Variants in COL12A1 observed in about 807,000 individuals in gnomAD.
The protein encoded by COL12A1 is collagen alpha-1(XII) chain.
In COL12A1, 114 loss-of-function variants were observed where a neutral mutation model predicts 349.7. That is an observed-to-expected ratio of 0.33 (90% CI 0.28 to 0.38). COL12A1 has a LOEUF of 0.38. Ranked by LOEUF, COL12A1 falls within the 10% of genes least tolerant of loss-of-function variation. The pLI, the probability that COL12A1 is intolerant of heterozygous loss-of-function variation, is 1.00. For synonymous variants in COL12A1, 1,369 were observed against 1,329.0 expected, an observed-to-expected ratio of 1.03 and a Z score of -0.66; for missense variants, 3,284 against 3,756.9, an observed-to-expected ratio of 0.87 and a Z score of 3.29.
chr6:75,179,981 G>A (rs377278504), intron 11 of COL12A1, among the ~76,000 whole-genome samples: 53 of 152,318 alleles, frequency 3.5e-4, no homozygotes, highest in African/African-American at 1.2e-3. Context: ...CAGCCCAAAT[G>A]TCCATTGATG....
At chr6:75,159,780 T>C (rs988900410) in intron 14 of COL12A1, among the ~76,000 whole-genome samples, 2 of 151,508 alleles carry the variant, frequency 1.3e-5, no homozygotes, top group Non-Finnish European at 2.9e-5. Context: ...AATGTTGATC[T>C]AAAAAGAAAC....
At chr6:75,186,530 T>G (rs898905664) in intron 8 of COL12A1, among the ~76,000 whole-genome samples, 1 of 152,164 alleles carries the variant, frequency 6.6e-6, no homozygotes, top group Non-Finnish European at 1.5e-5. Context: ...GGAGTGTAAA[T>G]TAGTTCAACC....
chr6:75,121,563 C>T, intron 43 of COL12A1, 122 bp from the exon 44 acceptor site: 2 of 1,171,208 alleles, frequency 1.7e-6, no homozygotes, highest in Non-Finnish European at 2.3e-6. Flanking sequence ...GCAGCAACAG[C>T]ACTGCCTGGG....
At chr6:75,147,902 C>T in intron 22 of COL12A1, 98 bp from the exon 23 acceptor site, 1 of 1,285,346 alleles carries the variant, frequency 7.8e-7, no homozygotes, top group South Asian at 1.7e-5. Flanking sequence ...AGCTTAGAAT[C>T]TATATTTCAA....
intron 6 of COL12A1, 62 bp downstream of exon 6, chr6:75,189,490 C>T: frequency 1.9e-6 from 3 of 1,580,528 alleles, no homozygotes; most frequent in Non-Finnish European, 2.6e-6. Flanking sequence ...GGCAATGCAT[C>T]ATTTCTTTCT....
chr6:75,150,273 TC>T (rs1767415867), intron 21 of COL12A1, among the ~76,000 whole-genome samples: 1 of 152,218 alleles, frequency 6.6e-6, no homozygotes, highest in Admixed American at 6.5e-5. Flanking sequence ...CCATGTTTTG[TC>T]CCATGATTTG....
Position 75,133,411 on chromosome 6 carries a change from G to T in COL12A1, c.5676C>A (p.Pro1892=), listed in dbSNP as rs200130428. Residue 1892 remains proline, a synonymous_variant, in exon 34 of 66, where the codon CCC becomes CCA. Transcript: ENST00000322507. ...AGGPEELVPI[P]GNTNYAILRN... The stretch of plus-strand genomic sequence containing the variant: ...TAAGAATGGCATAATTGGTATTCCC[G>T]GGGATTGGTACCTAAAGATTTTAAT... 6.2e-7 allele frequency: 1 copy of T among 1,607,530 alleles called. No homozygotes were observed. The highest frequency in any genetic ancestry group is 1.1e-5 in the South Asian group (1 of 89,032).
At chr6:75,176,910 A>G (rs1768987467) in intron 12 of COL12A1, among the ~76,000 whole-genome samples, 1 of 152,224 alleles carries the variant, frequency 6.6e-6, no homozygotes, top group African/African-American at 2.4e-5. Flanking sequence ...GAAATCACGT[A>G]TTAAACATTA....
chr6:75,141,548 A>C (rs557497576), intron 27 of COL12A1, among the ~76,000 whole-genome samples: 1 of 152,256 alleles, frequency 6.6e-6, no homozygotes, highest in East Asian at 1.9e-4. Context: ...CACCTGACCT[A>C]CCTTACATGA....
At chr6:75,204,184 A>T (rs1289820762) in intron 1 of COL12A1, among the ~76,000 whole-genome samples, 1 of 152,136 alleles carries the variant, frequency 6.6e-6, no homozygotes, top group Non-Finnish European at 1.5e-5. Context: ...ACTGTTTGAC[A>T]TTTCTAACCC....
chr6:75,110,703 T>C (rs1168703511), intron 51 of COL12A1, among the ~76,000 whole-genome samples: 1 of 152,024 alleles, frequency 6.6e-6, no homozygotes, highest in Non-Finnish European at 1.5e-5. Context: ...CAGGAATGGA[T>C]AACTGTCTGT....
intron 2 of COL12A1, among the ~76,000 whole-genome samples, chr6:75,202,102 C>T (rs1770557825): frequency 2.0e-5 from 3 of 152,150 alleles, no homozygotes. Flanking sequence ...CAGGGACAGC[C>T]GCGACCCTAG....
intron 6 of COL12A1, 32 bp from the exon 7 acceptor site, chr6:75,189,413 T>C (rs755469945): frequency 1.1e-4 from 170 of 1,593,978 alleles, no homozygotes; most frequent in Admixed American, 2.5e-4. Context: ...TCATTTACTC[T>C]GTACTACACA....
At chr6:75,114,541 C>T (rs1768984080) in intron 49 of COL12A1, among the ~76,000 whole-genome samples, 1 of 151,958 alleles carries the variant, frequency 6.6e-6, no homozygotes, top group Non-Finnish European at 1.5e-5. Flanking sequence ...CATTTAATAA[C>T]ACTTTCTCCC....
In COL12A1 at chr6:75,084,836, C is replaced by T. The variant is rs1767403772; in HGVS notation, c.*1711G>A. The T allele has an allele frequency of 6.4e-6, 1 of 156,504 alleles. No homozygotes were observed. The highest frequency in any genetic ancestry group is 2.4e-5 in the African/African-American group (1 of 41,556). The allele number at this position is 156,504 out of a possible 1,614,324, so 9.7% of individuals were successfully genotyped here. A position where few individuals can be genotyped will look rare whatever the true frequency, so the allele number is the denominator to read the frequency against. On this transcript the variant is annotated 3_prime_UTR_variant, in exon 66 of 66. Coordinates refer to ENST00000322507, the MANE Select transcript of COL12A1 (RefSeq NM_004370.6). ...ATAAGTATAGCAAAAGATAAACTGCCCGCTCGAAATACACAGCAGCTCTGG... is the reference window on the plus strand; with the variant it reads ...ATAAGTATAGCAAAAGATAAACTGCTCGCTCGAAATACACAGCAGCTCTGG...
chr6:75,147,699 G>C lies in COL12A1; in HGVS notation c.4393C>G (p.Pro1465Ala), dbSNP rs1304441862. ...CAGGTTTTTTCTGTCCCCTTCAGAG[G>C]CTCACTATATTCATCTTCTACCACA... is the stretch of plus-strand genomic sequence containing the variant. ...YSVVEDEYSE[P>A]LKGTEKTLPV... The change falls in exon 23 of 66, where the codon CCT becomes GCT. Residue 1465 changes from proline to alanine, a missense_variant. Physicochemically the swap from Pro to Ala is conservative, Grantham distance 27. This residue lies in a region of COL12A1 where 2,601 missense variants were observed against 2,824.8 expected (regional missense o/e 0.92). Transcript: ENST00000322507. The C allele has an allele frequency of 3.1e-6, 5 of 1,610,886 alleles. No individual in the cohort carries two copies. In the African/African-American group the frequency reaches 6.7e-5, roughly 22 times the overall value.
chr6:75,144,698 A>T (rs1767089679), intron 25 of COL12A1, among the ~76,000 whole-genome samples: 1 of 152,242 alleles, frequency 6.6e-6, no homozygotes. Context: ...CACACACAAG[A>T]GAAATGCAAA....
At chr6:75,136,455 G>C (rs1766613019) in intron 31 of COL12A1, among the ~76,000 whole-genome samples, 3 of 152,062 alleles carry the variant, frequency 2.0e-5, no homozygotes, top group Admixed American at 1.3e-4. Context: ...TTACTTACTG[G>C]GTAGTATCAG....
intron 14 of COL12A1, among the ~76,000 whole-genome samples, chr6:75,159,427 A>C (rs865979763): frequency 6.8e-6 from 1 of 147,318 alleles, no homozygotes; most frequent in Non-Finnish European, 1.5e-5. Context: ...TATAAAATAT[A>C]TATTATTATA....
Sources: allele counts gnomAD v4.1 joint callset (sites outside exome capture counted in the v4.1 genomes callset), GRCh38; gene constraint gnomAD v4.1.1; regional missense constraint gnomAD v4.1.1; transcripts MANE v1.5; gene names NCBI Gene and HGNC (gene_info 2026-07-23, HGNC 2026-07-21).